CCDC91: variants seen among roughly 807,000 people sequenced by gnomAD.
CCDC91 encodes coiled-coil domain-containing protein 91.
In CCDC91, 48 loss-of-function variants were observed where a neutral mutation model predicts 63.2. That is an observed-to-expected ratio of 0.76 (90% CI 0.60 to 0.97). The LOEUF is 0.97. CCDC91 is among the 50% of genes least tolerant of loss of function. CCDC91 has a pLI of 0.00. For missense variants in CCDC91, 500 were observed against 494.6 expected (o/e 1.01, Z -0.10); for synonymous variants, 167 against 165.8 (o/e 1.01, Z -0.06).
chr12:28,374,323 G>C (rs1225334880), intron 7 of CCDC91, among the ~76,000 whole-genome samples: 1 of 152,036 alleles, frequency 6.6e-6, no homozygotes, highest in Non-Finnish European at 1.5e-5. Context: ...ACGTCATCTG[G>C]TCGTATTGGA....
In CCDC91 at chr12:28,510,237, A is replaced by ATGTGTGTGTGTGTG. The variant is rs60548491; in HGVS notation, c.1215+26080_1215+26093dup. On this transcript the variant is annotated intron_variant, in intron 12 of 12. Coordinates refer to ENST00000536442, the MANE Select transcript of CCDC91 (RefSeq NM_018318.5). ...TCCAGAGAGACAGAGTCAATAGGGC[A>ATGTGTGTGTGTGTG]TGTGTGTGTGTGTGTGTGTGTAGAA... Among the ~76,000 whole-genome samples the ATGTGTGTGTGTGTG allele has an allele frequency of 5.6e-3, 834 of 149,130 alleles. 10 individuals carry two copies. Among genetic ancestry groups the ATGTGTGTGTGTGTG allele is most frequent in the African/African-American group, 0.019 (779 of 40,710 alleles).
intron 3 of CCDC91, among the ~76,000 whole-genome samples, chr12:28,293,810 C>T (rs1435173762): frequency 6.6e-6 from 1 of 151,976 alleles, no homozygotes; most frequent in Non-Finnish European, 1.5e-5. Context: ...TTCACTGCAG[C>T]TGCGAACTCC....
At chr12:28,344,299 GATA>G (rs2138070585) in intron 6 of CCDC91, among the ~76,000 whole-genome samples, 1 of 152,104 alleles carries the variant, frequency 6.6e-6, no homozygotes, top group East Asian at 1.9e-4. Flanking sequence ...TTTGCCAACA[GATA>G]ATATTTGCCT....
intron 8 of CCDC91, among the ~76,000 whole-genome samples, chr12:28,402,163 G>A (rs1052237723): frequency 1.2e-4 from 18 of 152,234 alleles, no homozygotes; most frequent in South Asian, 6.2e-4. Context: ...AACAGCATCC[G>A]TCACGTCTAC....
chr12:28,469,114 G>A (rs1006349426), intron 11 of CCDC91, among the ~76,000 whole-genome samples: 1 of 151,846 alleles, frequency 6.6e-6, no homozygotes, highest in African/African-American at 2.4e-5. Context: ...AAGAATAAAA[G>A]GCATCCAAAC....
At chr12:28,536,730 C>T (rs1942208141) in intron 12 of CCDC91, among the ~76,000 whole-genome samples, 1 of 152,060 alleles carries the variant, frequency 6.6e-6, no homozygotes, top group Non-Finnish European at 1.5e-5. Context: ...ACTTTTAATG[C>T]TTTTATTATC....
chr12:28,449,235 A>T (rs1949682233), intron 8 of CCDC91, among the ~76,000 whole-genome samples: 1 of 152,100 alleles, frequency 6.6e-6, no homozygotes, highest in Non-Finnish European at 1.5e-5. Flanking sequence ...AAATGTTTTA[A>T]ATAAGAACAA....
At chr12:28,378,013 T>A (rs1226949381) in intron 7 of CCDC91, among the ~76,000 whole-genome samples, 1 of 152,046 alleles carries the variant, frequency 6.6e-6, no homozygotes, top group Non-Finnish European at 1.5e-5. Context: ...ATTTTTCTCT[T>A]CCTCTTATAT....
intron 3 of CCDC91, chr12:28,268,511 G>A (rs1033052104): frequency 3.1e-5 from 7 of 225,972 alleles, no homozygotes; most frequent in Non-Finnish European, 5.2e-5. Flanking sequence ...CTGACAGACT[G>A]TTCTATAATG....
chr12:28,218,697 G>GTT (rs71438736), intron 1 of CCDC91, among the ~76,000 whole-genome samples: 19 of 126,926 alleles, frequency 1.5e-4, no homozygotes, highest in Middle Eastern at 7.6e-3. Context: ...CATTGCAGAT[G>GTT]TTTGTGTGTG....
At chr12:28,430,052 A>G (rs556132079) in intron 8 of CCDC91, among the ~76,000 whole-genome samples, 1 of 152,128 alleles carries the variant, frequency 6.6e-6, no homozygotes, top group South Asian at 2.1e-4. Flanking sequence ...TTAGTACAGT[A>G]ATTTAGGGAA....
At chr12:28,525,012 G>A (rs1022583589) in intron 12 of CCDC91, among the ~76,000 whole-genome samples, 2 of 152,024 alleles carry the variant, frequency 1.3e-5, no homozygotes, top group Non-Finnish European at 2.9e-5. Flanking sequence ...TCTTGCTAAT[G>A]GTAATTCAAT....
At chr12:28,400,962 C>T (rs1946585110) in intron 8 of CCDC91, among the ~76,000 whole-genome samples, 1 of 152,188 alleles carries the variant, frequency 6.6e-6, no homozygotes, top group Admixed American at 6.5e-5. Context: ...ATCTTCCTGG[C>T]TCCTGAGTCC....
intron 3 of CCDC91, among the ~76,000 whole-genome samples, chr12:28,276,802 C>G (rs1948261414): frequency 6.6e-6 from 1 of 151,794 alleles, no homozygotes; most frequent in Non-Finnish European, 1.5e-5. Flanking sequence ...TGTAAGCTAA[C>G]AAAAAAATCG....
At chr12:28,276,658 G>T (rs1378634320) in intron 3 of CCDC91, among the ~76,000 whole-genome samples, 1 of 151,826 alleles carries the variant, frequency 6.6e-6, no homozygotes, top group African/African-American at 2.4e-5. Context: ...AGGTCTTGGG[G>T]CAAATGATTT....
chr12:28,354,284 C>G (rs1451938286), intron 6 of CCDC91, among the ~76,000 whole-genome samples: 2 of 152,110 alleles, frequency 1.3e-5, no homozygotes, highest in Non-Finnish European at 2.9e-5. Context: ...CAGCATAACT[C>G]TATCCTCTAC....
At chr12:28,403,344 T>C (rs2139557226) in intron 8 of CCDC91, among the ~76,000 whole-genome samples, 1 of 152,240 alleles carries the variant, frequency 6.6e-6, no homozygotes, top group Admixed American at 6.5e-5. Context: ...TATAAACTGG[T>C]GGCTTGTAAA....
intron 3 of CCDC91, among the ~76,000 whole-genome samples, chr12:28,279,911 GT>G (rs67169391): frequency 0.2 from 30,457 of 151,968 alleles, 3,997 homozygotes; most frequent in Non-Finnish European, 0.3. Context: ...ATACACTTTT[GT>G]TTATGCAGTC....
intron 7 of CCDC91, among the ~76,000 whole-genome samples, chr12:28,375,552 A>G (rs1359709715): frequency 6.6e-6 from 1 of 151,962 alleles, no homozygotes; most frequent in Non-Finnish European, 1.5e-5. Flanking sequence ...GTACAAAAGA[A>G]AACAAACAAA....
Sources: gnomAD v4.1 joint callset for allele counts (sites outside exome capture counted in the v4.1 genomes callset) on GRCh38, gnomAD v4.1.1 for gene constraint, MANE v1.5 for transcripts, NCBI Gene and HGNC (gene_info 2026-07-23, HGNC 2026-07-21) for gene names.